The following PAGR1 variants were observed in gnomAD, a reference collection of about 807,000 sequenced individuals.
PAGR1 encodes the protein PAXIP1 associated glutamate rich protein 1.
In PAGR1, 20 loss-of-function variants were observed where a neutral mutation model predicts 22.4. That is an observed-to-expected ratio of 0.89 (90% CI 0.63 to 1.30). The LOEUF (loss-of-function observed/expected upper bound fraction) is 1.30, where lower values mean the gene tolerates loss of function less well. Ranked by LOEUF, PAGR1 falls within the 50% of genes most tolerant of loss-of-function variation. PAGR1 has a pLI of 0.00. For missense variants in PAGR1, 338 were observed against 343.6 expected (o/e 0.98, Z 0.13); for synonymous variants, 161 against 148.3 (o/e 1.09, Z -0.62).
intron 1 of PAGR1, 28 bp from the exon 2 acceptor site, chr16:29,817,182 C>T (rs1900268348): frequency 6.2e-7 from 1 of 1,613,834 alleles, no homozygotes; most frequent in African/African-American, 1.3e-5. Context: ...GGACCGCCCT[C>T]ACCCTTAACT....
intron 1 of PAGR1, 65 bp from the exon 2 acceptor site, chr16:29,817,145 G>T: frequency 6.2e-7 from 1 of 1,609,834 alleles, no homozygotes; most frequent in Non-Finnish European, 8.5e-7. Context: ...ACGGGCAGGG[G>T]AGAAGCACAC....
rs1900248683 is a variant in PAGR1 at position 29,816,445 on chromosome 16, C to T, written c.-81C>T. The T allele has an allele frequency of 1.5e-6, 2 of 1,352,638 alleles. No individual in the cohort carries two copies. Among genetic ancestry groups the T allele is most frequent in the Non-Finnish European group, 1.9e-6 (2 of 1,039,564 alleles). The allele number at this position is 1,352,638 out of a possible 1,614,324, so 83.8% of individuals were successfully genotyped here. A position where few individuals can be genotyped will look rare whatever the true frequency, so the allele number is the denominator to read the frequency against. On this transcript the variant is annotated 5_prime_UTR_variant, in exon 1 of 3. Coordinates refer to ENST00000320330, the MANE Select transcript of PAGR1 (RefSeq NM_024516.4). ...TGATTGGCTGGAAACGGTCCCGAAC[C>T]CCCAGGGGAGCCCGATCCCTGGGGG...
At chr16:29,817,158 G>T (rs1029470061) in intron 1 of PAGR1, 52 bp from the exon 2 acceptor site, 8 of 1,612,500 alleles carry the variant, frequency 5.0e-6, no homozygotes, top group Non-Finnish European at 6.8e-6. Flanking sequence ...AAGCACACGT[G>T]TGGGTGGGAG....
chr16:29,820,002 A>G lies in PAGR1; in HGVS notation c.*248A>G, dbSNP rs1472379144. 1 of 504,280 alleles carries G rather than the reference A, an allele frequency of 2.0e-6. No homozygotes were observed. Among genetic ancestry groups the G allele is most frequent in the East Asian group, 3.1e-5 (1 of 31,790 alleles). The allele number at this position is 504,280 out of a possible 1,614,324, so 31.2% of individuals were successfully genotyped here. On this transcript the variant is annotated 3_prime_UTR_variant, in exon 3 of 3. Coordinates refer to ENST00000320330, the MANE Select transcript of PAGR1 (RefSeq NM_024516.4). ...GAGAGAGTGTGTGTGTTTTCTATTG[A>G]ACATCTATATAGAGAGAGTGTGTGA...
At position 29,817,007 on chromosome 16, in the gene PAGR1, A is replaced by T. The variant is rs1439781379; in HGVS notation, c.482A>T (p.Lys161Ile). Reference sequence around the variant, plus strand: ...GAGGCCAAAGAAGAGGAAGAGGAAAAGTAAAGGCACACCCTTACACCTTGT... The same window carrying T: ...GAGGCCAAAGAAGAGGAAGAGGAAATGTAAAGGCACACCCTTACACCTTGT... ...EPEAKEEEEE[K>I]PHMPTEFDFD... is the part of the protein sequence containing the mutation. The change falls in exon 1 of 3, where the codon AAA becomes ATA. Residue 161 changes from lysine (K) to isoleucine (I), a missense_variant and splice_region_variant. Physicochemically the swap from Lys to Ile is moderately radical, Grantham distance 102 (BLOSUM62 -3). This residue lies in a region of PAGR1 where 235 missense variants were observed against 216.0 expected (regional missense o/e 1.09). Coordinates refer to ENST00000320330, the MANE Select transcript of PAGR1 (RefSeq NM_024516.4). 1.9e-6 allele frequency: 3 copies of T among 1,565,342 alleles called. No homozygotes were observed. The highest frequency in any genetic ancestry group is 2.6e-6 in the Non-Finnish European group (3 of 1,157,792).
At chr16:29,819,510 C>T (rs1460643138) in intron 2 of PAGR1, 45 bp from the exon 3 acceptor site, 2 of 1,599,976 alleles carry the variant, frequency 1.3e-6, no homozygotes, top group African/African-American at 2.7e-5. Flanking sequence ...GTATGGTGTA[C>T]ACCACCTCCA....
chr16:29,816,228 G>A lies in PAGR1; in HGVS notation c.-298G>A. Reference sequence around the variant, plus strand: ...AGAAGGCGCCGTGTCCGGGTGTGGAGAGGGGCGTCGTGGAAGCGAGAAGAG... The same window carrying A: ...AGAAGGCGCCGTGTCCGGGTGTGGAAAGGGGCGTCGTGGAAGCGAGAAGAG... On this transcript the variant is annotated 5_prime_UTR_variant, in exon 1 of 3. Coordinates refer to ENST00000320330, the MANE Select transcript of PAGR1 (RefSeq NM_024516.4). 2.5e-6 allele frequency: 1 copy of A among 402,120 alleles called. No individual in the cohort carries two copies. 24.9% of individuals were successfully genotyped at this position (402,120 alleles called of 1,614,324 possible).
chr16:29,818,982 CT>C (rs926194798), intron 2 of PAGR1, among the ~76,000 whole-genome samples: 1 of 151,898 alleles, frequency 6.6e-6, no homozygotes, highest in African/African-American at 2.4e-5. Flanking sequence ...TCTCTGCACT[CT>C]TTTTTTTGTT....
At chr16:29,818,102 A>C (rs919292059) in intron 2 of PAGR1, 1 of 152,160 alleles carries the variant, frequency 6.6e-6, no homozygotes, top group Non-Finnish European at 1.5e-5. Flanking sequence ...GCATCCCTCT[A>C]CTACCATGTA....
intron 1 of PAGR1, 99 bp from the exon 2 acceptor site, chr16:29,817,111 A>G: frequency 6.3e-7 from 1 of 1,585,184 alleles, no homozygotes; most frequent in Non-Finnish European, 8.6e-7. Context: ...AAGTGGAGGG[A>G]GGGAAGCCAG....
In PAGR1 at chr16:29,816,895, A is replaced by C; in HGVS notation, c.370A>C (p.Thr124Pro). The C allele has an allele frequency of 6.4e-7, 1 of 1,562,396 alleles. No individual in the cohort carries two copies. Among genetic ancestry groups the C allele is most frequent in the Non-Finnish European group, 8.7e-7 (1 of 1,156,028 alleles). ...CTATGAACTGCTGGCTGCCCACGGTACTCTGGAGCTGCAAGCCGAGATCCT... is the reference window on the plus strand; with the variant it reads ...CTATGAACTGCTGGCTGCCCACGGTCCTCTGGAGCTGCAAGCCGAGATCCT... The part of the protein sequence containing the change: ...RLYELLAAHG[T>P]LELQAEILPR... The change falls in exon 1 of 3, where the codon ACT (threonine) becomes CCT (proline). Residue 124 changes from threonine to proline, a missense_variant. By Grantham distance (38) the Thr-to-Pro change is conservative (BLOSUM62 -1). This residue lies in a region of PAGR1 where 235 missense variants were observed against 216.0 expected (regional missense o/e 1.09). Transcript: ENST00000320330.
chr16:29,821,398 G>C lies in PAGR1; in HGVS notation c.*1644G>C, dbSNP rs941315875. ...TGTATGTAGCCTTGAGCAGGTAGGG[G>C]GGCCACCTTGAGTGGGTGGCCCAGA... On this transcript the variant is annotated 3_prime_UTR_variant, in exon 3 of 3. Coordinates refer to ENST00000320330, the MANE Select transcript of PAGR1 (RefSeq NM_024516.4). The C allele has an allele frequency of 6.6e-6, 1 of 152,214 alleles. No individual in the cohort carries two copies. Among genetic ancestry groups the C allele is most frequent in the Non-Finnish European group, 1.5e-5 (1 of 68,088 alleles). 9.4% of individuals were successfully genotyped at this position (152,214 alleles called of 1,614,324 possible).
intron 2 of PAGR1, among the ~76,000 whole-genome samples, chr16:29,817,715 G>A (rs1596899963): frequency 6.6e-6 from 1 of 151,922 alleles, no homozygotes; most frequent in South Asian, 2.1e-4. Flanking sequence ...CTTGTGATCC[G>A]CCCACCTCAG....
rs567803274 is a variant in PAGR1, at chr16:29,819,738, G to A, written c.749G>A (p.Arg250Gln). Reference protein sequence around the residue: ...LRSSGSSLFPRQRKY With the variant: ...LRSSGSSLFPQQRKY ...TCCTCCGGGAGTAGTCTCTTCCCTC[G>A]GCAGCGGAAATACTGATTCCCACTG... The change falls in exon 3 of 3, where the codon CGG becomes CAG. Residue 250 changes from arginine (R) to glutamine (Q), a missense_variant. This residue lies in a region of PAGR1 where 52 missense variants were observed against 44.5 expected (regional missense o/e 1.17). Coordinates refer to ENST00000320330, the MANE Select transcript of PAGR1 (RefSeq NM_024516.4). The A allele has an allele frequency of 5.6e-6, 9 of 1,611,566 alleles. No individual in the cohort carries two copies. The East Asian group carries it at 6.7e-5, about 12-fold the overall frequency.
intron 2 of PAGR1, among the ~76,000 whole-genome samples, chr16:29,818,703 A>T (rs1409084757): frequency 6.6e-6 from 1 of 152,084 alleles, no homozygotes; most frequent in East Asian, 1.9e-4. Flanking sequence ...CTGGGATTAC[A>T]AGGACACGTC....
intron 2 of PAGR1, 80 bp from the exon 3 acceptor site, chr16:29,819,475 C>T: frequency 6.8e-7 from 1 of 1,469,466 alleles, no homozygotes; most frequent in Non-Finnish European, 9.4e-7. Context: ...ACCAGCTCCC[C>T]AAGTGATGAG....
rs1454698750 is a variant in PAGR1 at position 29,816,240 on chromosome 16, G to A, written c.-286G>A. ...GTCCGGGTGTGGAGAGGGGCGTCGTGGAAGCGAGAAGAGTGGCCCGTCCCT... is the reference window on the plus strand; with the variant it reads ...GTCCGGGTGTGGAGAGGGGCGTCGTAGAAGCGAGAAGAGTGGCCCGTCCCT... On this transcript the variant is annotated 5_prime_UTR_variant, in exon 1 of 3. Transcript: ENST00000320330. 9.9e-6 allele frequency: 4 copies of A among 404,836 alleles called. No homozygotes were observed. The highest frequency in any genetic ancestry group is 1.1e-4 in the South Asian group (1 of 8,840). The allele number at this position is 404,836 out of a possible 1,614,324, so 25.1% of individuals were successfully genotyped here. A position where few individuals can be genotyped will look rare whatever the true frequency, so the allele number is the denominator to read the frequency against.
Position 29,816,970 on chromosome 16 carries a change from G to A in PAGR1, c.445G>A (p.Asp149Asn), listed in dbSNP as rs780516799. The A allele has an allele frequency of 1.3e-6, 2 of 1,570,036 alleles. No individual in the cohort carries two copies. Among genetic ancestry groups the A allele is most frequent in the South Asian group, 1.2e-5 (1 of 86,254 alleles). The stretch of plus-strand genomic sequence containing the variant: ...GGCCCAGAGCGAAGAGGAGAGATCC[G>A]ATGAGGAGCCGGAGGCCAAAGAAGA... ...PEAQSEEERS[D>N]EEPEAKEEEE... The change falls in exon 1 of 3, where the codon GAT becomes AAT. Residue 149 changes from aspartate to asparagine, a missense_variant. By Grantham distance (23) the Asp-to-Asn change is conservative. This residue lies in a region of PAGR1 where 235 missense variants were observed against 216.0 expected (regional missense o/e 1.09). Coordinates refer to ENST00000320330, the MANE Select transcript of PAGR1 (RefSeq NM_024516.4).
In PAGR1 at chr16:29,819,689, A is replaced by G; in HGVS notation, c.700A>G (p.Ser234Gly). 6.2e-7 allele frequency: 1 copy of G among 1,613,758 alleles called. No individual in the cohort carries two copies. Among genetic ancestry groups the G allele is most frequent in the Non-Finnish European group, 8.5e-7 (1 of 1,180,000 alleles). ...DLFSLDSEDP[S>G]PASPPLRSSG... ...CTTCAGCCTGGACTCGGAGGACCCCAGCCCCGCCAGCCCCCCACTCCGATC... is the reference window on the plus strand; with the variant it reads ...CTTCAGCCTGGACTCGGAGGACCCCGGCCCCGCCAGCCCCCCACTCCGATC... Residue 234 changes from serine (S) to glycine (G), a missense_variant, in exon 3 of 3, where the codon AGC becomes GGC. Around this residue, in one of 3 missense-constraint regions of PAGR1, gnomAD observed 52 missense variants for 44.5 expected, o/e 1.17. Coordinates refer to ENST00000320330, the MANE Select transcript of PAGR1 (RefSeq NM_024516.4).
Sources: gnomAD v4.1 joint callset for allele counts (sites outside exome capture counted in the v4.1 genomes callset) on GRCh38, gnomAD v4.1.1 for gene constraint, gnomAD v4.1.1 regional missense constraint, MANE v1.5 for transcripts, NCBI Gene and HGNC (gene_info 2026-07-23, HGNC 2026-07-21) for gene names.